Variants in SPATA17 observed in about 807,000 individuals in gnomAD.
The protein encoded by SPATA17 is spermatogenesis associated 17, also known as spermatogenesis-associated protein 17.
A neutral mutation model predicts 62.2 loss-of-function variants in SPATA17; 53 were observed. The ratio of observed to expected loss-of-function variants is 0.85; its 90% CI spans 0.68 to 1.07. SPATA17 has a LOEUF of 1.07. Among genes scored for constraint, SPATA17 ranks in the 50% least tolerant of loss-of-function variants. The probability of loss-of-function intolerance (pLI) is 0.00; values close to 1 mark genes in which losing one functional copy is unlikely to be tolerated. For missense variants in SPATA17, 466 were observed against 425.5 expected (o/e 1.10, Z -0.84); for synonymous variants, 146 against 146.8 (o/e 0.99, Z 0.04).
At chr1:217,680,991 G>A (rs1256424409) in intron 4 of SPATA17, among the ~76,000 whole-genome samples, 1 of 134,558 alleles carries the variant, frequency 7.4e-6, no homozygotes, top group African/African-American at 2.5e-5. Context: ...CACCTTGGGA[G>A]GCCAAGGCAG....
chr1:217,755,026 A>C (rs905440111), intron 6 of SPATA17, among the ~76,000 whole-genome samples: 1 of 152,144 alleles, frequency 6.6e-6, no homozygotes, highest in Admixed American at 6.5e-5. Flanking sequence ...ATAGTCCAAC[A>C]CATGAAATAA....
chr1:217,770,735 C>CT (rs1331563304), intron 6 of SPATA17, among the ~76,000 whole-genome samples: 1 of 151,962 alleles, frequency 6.6e-6, no homozygotes, highest in Non-Finnish European at 1.5e-5. Flanking sequence ...TAACACTTTT[C>CT]CACATAATAC....
chr1:217,647,922 C>T (rs949182518), intron 1 of SPATA17, among the ~76,000 whole-genome samples: 2 of 151,994 alleles, frequency 1.3e-5, no homozygotes, highest in African/African-American at 4.8e-5. Flanking sequence ...GGAGTTTCAC[C>T]ACGTTGGCCA....
chr1:217,696,077 C>T (rs967470242), intron 5 of SPATA17, among the ~76,000 whole-genome samples: 2 of 152,156 alleles, frequency 1.3e-5, no homozygotes, highest in African/African-American at 4.8e-5. Context: ...CAATGGCGGG[C>T]GCCCCTCTGC....
At position 217,782,180 on chromosome 1, in the gene SPATA17, T is replaced by C; in HGVS notation, c.730T>C (p.Phe244Leu). ...CCTCATCCTGTCTTGTCAGGGGCCC[T>C]TCCGAGATATCACCGAAGTATTAGA... ...PINRKQCQGP[F>L]RDITEVLEQR... is the part of the protein sequence containing the mutation. The change falls in exon 8 of 11, where the codon TTC becomes CTC. Residue 244 changes from phenylalanine to leucine, a missense_variant. Coordinates refer to ENST00000366933, the MANE Select transcript of SPATA17 (RefSeq NM_138796.4). 6.3e-7 allele frequency: 1 copy of C among 1,592,598 alleles called. No individual in the cohort carries two copies. Among genetic ancestry groups the C allele is most frequent in the South Asian group, 1.1e-5 (1 of 87,294 alleles).
intron 9 of SPATA17, among the ~76,000 whole-genome samples, chr1:217,835,388 T>C (rs539026544): frequency 1.4e-3 from 214 of 152,282 alleles, no homozygotes; most frequent in African/African-American, 4.7e-3. Context: ...ATATAGAAAT[T>C]AACAAATTTT....
rs199792986 is a variant in SPATA17 at position 217,717,915 on chromosome 1, A to G, written c.396-24060A>G. Among the ~76,000 whole-genome samples the G allele has an allele frequency of 2.9e-4, 44 of 152,302 alleles. 1 individual carries two copies. In the East Asian group the frequency reaches 8.3e-3, roughly 29 times the overall value. ...GTGTCCGTTTAATAAGAGTCCTGTA[A>G]TTTGGCATCTTAAAATGTTGAAAAA... On this transcript the variant is annotated intron_variant, in intron 5 of 10. Transcript: ENST00000366933.
intron 1 of SPATA17, among the ~76,000 whole-genome samples, chr1:217,644,077 A>T (rs1042303246): frequency 1.3e-5 from 2 of 152,188 alleles, no homozygotes; most frequent in South Asian, 2.1e-4. Flanking sequence ...CTAGTTCTAA[A>T]TTATAATGAC....
At chr1:217,826,138 G>T (rs775385859) in intron 9 of SPATA17, among the ~76,000 whole-genome samples, 20 of 151,976 alleles carry the variant, frequency 1.3e-4, no homozygotes, top group Non-Finnish European at 2.6e-4. Context: ...CCAAGCTCAG[G>T]GTCAGTTTCT....
At chr1:217,780,695 A>T (rs902686299) in intron 7 of SPATA17, among the ~76,000 whole-genome samples, 6 of 151,850 alleles carry the variant, frequency 4.0e-5, no homozygotes, top group African/African-American at 1.5e-4. Context: ...CCTTTTAAAA[A>T]CTCTTCTTGA....
At chr1:217,851,875 T>C (rs1675675050) in intron 9 of SPATA17, among the ~76,000 whole-genome samples, 1 of 152,208 alleles carries the variant, frequency 6.6e-6, no homozygotes, top group South Asian at 2.1e-4. Context: ...GACTTTAAGA[T>C]AAGTCTAAAG....
intron 7 of SPATA17, among the ~76,000 whole-genome samples, chr1:217,780,728 A>G (rs1673710320): frequency 6.6e-6 from 1 of 152,212 alleles, no homozygotes; most frequent in Admixed American, 6.5e-5. Context: ...TGATGGTAAT[A>G]ACAATAACAA....
intron 6 of SPATA17, among the ~76,000 whole-genome samples, chr1:217,762,131 A>G (rs1205620627): frequency 6.6e-6 from 1 of 151,824 alleles, no homozygotes; most frequent in Non-Finnish European, 1.5e-5. Context: ...CATTTCTTTA[A>G]TGTGCACACT....
chr1:217,816,960 A>G (rs1674732975), intron 9 of SPATA17, among the ~76,000 whole-genome samples: 1 of 152,072 alleles, frequency 6.6e-6, no homozygotes, highest in Admixed American at 6.6e-5. Flanking sequence ...TAGTTTTCTC[A>G]TAACTCAGCT....
intron 6 of SPATA17, among the ~76,000 whole-genome samples, chr1:217,752,558 G>A (rs1475824824): frequency 4.6e-5 from 7 of 151,998 alleles, no homozygotes; most frequent in Non-Finnish European, 1.0e-4. Flanking sequence ...GATTATTTAC[G>A]CTTTTGTTCT....
chr1:217,803,492 A>G (rs985588507), intron 9 of SPATA17, among the ~76,000 whole-genome samples: 1 of 152,208 alleles, frequency 6.6e-6, no homozygotes, highest in Non-Finnish European at 1.5e-5. Context: ...AGAAATCAAG[A>G]TAATAATCCC....
chr1:217,645,273 G>A (rs1473462255), intron 1 of SPATA17, among the ~76,000 whole-genome samples: 1 of 152,000 alleles, frequency 6.6e-6, no homozygotes, highest in Non-Finnish European at 1.5e-5. Context: ...CTTGACTGGT[G>A]TCAGCAGGAG....
At chr1:217,818,401 C>T (rs1043343666) in intron 9 of SPATA17, among the ~76,000 whole-genome samples, 2 of 152,024 alleles carry the variant, frequency 1.3e-5, no homozygotes, top group Non-Finnish European at 2.9e-5. Context: ...ATAAAGTGTA[C>T]TTACACAAAC....
At chr1:217,817,741 A>G (rs1452773978) in intron 9 of SPATA17, among the ~76,000 whole-genome samples, 1 of 152,076 alleles carries the variant, frequency 6.6e-6, no homozygotes, top group African/African-American at 2.4e-5. Context: ...ACGTAAGTCT[A>G]ATATTTTTCT....
Sources: allele counts gnomAD v4.1 joint callset (sites outside exome capture counted in the v4.1 genomes callset), GRCh38; gene constraint gnomAD v4.1.1; transcripts MANE v1.5; gene names NCBI Gene and HGNC (gene_info 2026-07-23, HGNC 2026-07-21).